Variants in WWOX observed in about 807,000 individuals in gnomAD.
The protein encoded by WWOX is WW domain-containing oxidoreductase.
A neutral mutation model predicts 46.2 loss-of-function variants in WWOX; 69 were observed. That is an observed-to-expected ratio of 1.49 (90% CI 1.23 to 1.82). WWOX has a LOEUF of 1.82. WWOX is among the 40% of genes most tolerant of loss of function. The pLI is 0.00. For synonymous variants in WWOX, 359 were observed against 202.6 expected (o/e 1.77, Z -6.56); for missense variants, 919 against 542.6 (o/e 1.69, Z -6.89).
At chr16:79,210,692 G>C (rs919707648) in intron 8 of WWOX, among the ~76,000 whole-genome samples, 1 of 152,142 alleles carries the variant, frequency 6.6e-6, no homozygotes, top group Non-Finnish European at 1.5e-5. Flanking sequence ...GTCTCCCTCT[G>C]AACAGCAGCC....
intron 5 of WWOX, among the ~76,000 whole-genome samples, chr16:78,367,570 G>A (rs982610743): frequency 5.9e-5 from 9 of 152,116 alleles, no homozygotes; most frequent in African/African-American, 2.2e-4. Flanking sequence ...TCGAGTTCAT[G>A]GACAGAACAA....
intron 8 of WWOX, among the ~76,000 whole-genome samples, chr16:78,958,338 A>C (rs1241481448): frequency 1.3e-5 from 2 of 152,210 alleles, no homozygotes; most frequent in Non-Finnish European, 2.9e-5. Context: ...TGCATTATTA[A>C]CTAGTGTAAC....
intron 8 of WWOX, among the ~76,000 whole-genome samples, chr16:78,700,453 G>A (rs1430297841): frequency 6.6e-6 from 1 of 151,906 alleles, no homozygotes; most frequent in African/African-American, 2.4e-5. Flanking sequence ...CCATCTTATT[G>A]GGTGTTCTAG....
At chr16:78,436,898 G>A (rs564861185) in intron 8 of WWOX, among the ~76,000 whole-genome samples, 132 of 152,212 alleles carry the variant, frequency 8.7e-4, no homozygotes, top group Non-Finnish European at 1.5e-3. Flanking sequence ...CTATTTGAAT[G>A]CAGACATATT....
At chr16:78,638,480 T>C (rs1303693512) in intron 8 of WWOX, among the ~76,000 whole-genome samples, 6 of 152,170 alleles carry the variant, frequency 3.9e-5, no homozygotes, top group Non-Finnish European at 7.3e-5. Flanking sequence ...ACCCAGCTTG[T>C]TGGCCTTGGG....
At chr16:78,984,975 T>C (rs1365374130) in intron 8 of WWOX, among the ~76,000 whole-genome samples, 1 of 152,086 alleles carries the variant, frequency 6.6e-6, no homozygotes, top group Non-Finnish European at 1.5e-5. Flanking sequence ...GGACAGATAC[T>C]GGGCAAAAGG....
In WWOX at chr16:78,364,841, T is replaced by G. The variant is rs1372088816; in HGVS notation, c.517-22019T>G. Among the ~76,000 whole-genome samples the G allele has an allele frequency of 1.6e-4, 24 of 152,350 alleles. No individual in the cohort carries two copies. The East Asian group carries it at 4.6e-3, about 29-fold the overall frequency. On this transcript the variant is annotated intron_variant, in intron 5 of 8. Transcript: ENST00000566780. ...GCAGGAGGGAACAAGGTGTTTTCTG[T>G]GCTTTTTCCTACATGCAGTCGTTTT...
chr16:78,225,854 C>G (rs1313362800), intron 5 of WWOX, among the ~76,000 whole-genome samples: 1 of 152,152 alleles, frequency 6.6e-6, no homozygotes, highest in East Asian at 1.9e-4. Flanking sequence ...CAGCACCTCT[C>G]TTTGAATTAT....
At position 78,567,552 on chromosome 16, in the gene WWOX, C is replaced by CAAAAAAA. The variant is rs71272440; in HGVS notation, c.1056+134817_1056+134823dup. On this transcript the variant is annotated intron_variant, in intron 8 of 8. Transcript: ENST00000566780. ...TGGGCGACAGAAGGAGACTCCGTCT[C>CAAAAAAA]AAAAAAAAAAAAAAAAAAAAAAAGA... Among the ~76,000 whole-genome samples the CAAAAAAA allele has an allele frequency of 2.7e-3, 141 of 52,114 alleles. 1 individual carries two copies. The highest frequency in any genetic ancestry group is 6.9e-3 in the African/African-American group (91 of 13,196). 34.2% of individuals were successfully genotyped at this position (52,114 alleles called of 152,430 possible).
intron 8 of WWOX, among the ~76,000 whole-genome samples, chr16:79,015,511 C>A (rs1050971427): frequency 4.6e-5 from 7 of 152,080 alleles, no homozygotes; most frequent in African/African-American, 1.4e-4. Context: ...ATTTCTTTTC[C>A]TTCCAATGAG....
At chr16:78,248,530 G>A (rs959125240) in intron 5 of WWOX, among the ~76,000 whole-genome samples, 7 of 152,072 alleles carry the variant, frequency 4.6e-5, no homozygotes, top group African/African-American at 1.7e-4. Context: ...GAGCTCAGTC[G>A]TTTGAGACCA....
At chr16:78,649,216 C>G (rs952645493) in intron 8 of WWOX, among the ~76,000 whole-genome samples, 4 of 152,144 alleles carry the variant, frequency 2.6e-5, no homozygotes, top group African/African-American at 9.7e-5. Context: ...AACTCTGGAC[C>G]TCAAATGATC....
intron 8 of WWOX, among the ~76,000 whole-genome samples, chr16:78,686,299 C>G (rs571956001): frequency 2.7e-4 from 41 of 152,162 alleles, no homozygotes; most frequent in Non-Finnish European, 4.4e-4. Flanking sequence ...ATCACGAGGT[C>G]AGGAGATCCA....
intron 8 of WWOX, among the ~76,000 whole-genome samples, chr16:78,706,728 A>AGG (rs2048335188): frequency 1.3e-5 from 2 of 152,190 alleles, no homozygotes; most frequent in Admixed American, 6.5e-5. Flanking sequence ...GTGGGTACAC[A>AGG]TGGTACTGAC....
intron 5 of WWOX, among the ~76,000 whole-genome samples, chr16:78,322,840 G>A (rs1409784036): frequency 6.6e-6 from 1 of 152,102 alleles, no homozygotes; most frequent in African/African-American, 2.4e-5. Flanking sequence ...GTATGGGAGT[G>A]TTTCAATTAA....
intron 8 of WWOX, among the ~76,000 whole-genome samples, chr16:79,043,148 G>A (rs1176299449): frequency 6.6e-6 from 1 of 152,112 alleles, no homozygotes; most frequent in Non-Finnish European, 1.5e-5. Context: ...CCTACTTGCA[G>A]CTGAAGAGAA....
At chr16:78,464,238 G>A (rs992250394) in intron 8 of WWOX, among the ~76,000 whole-genome samples, 2 of 151,968 alleles carry the variant, frequency 1.3e-5, no homozygotes, top group African/African-American at 4.8e-5. Flanking sequence ...AAGGAAGAGA[G>A]GGAGAGACGG....
At chr16:78,388,675 A>T (rs1413309769) in intron 6 of WWOX, among the ~76,000 whole-genome samples, 1 of 122,614 alleles carries the variant, frequency 8.2e-6, no homozygotes, top group African/African-American at 3.1e-5. Flanking sequence ...AAAAAAAAAA[A>T]AAGTTTGTAC....
intron 8 of WWOX, among the ~76,000 whole-genome samples, chr16:78,545,913 C>T (rs1349223817): frequency 6.6e-6 from 1 of 152,098 alleles, no homozygotes; most frequent in East Asian, 1.9e-4. Context: ...GATTAGGGCA[C>T]CACGCTTATG....
Sources: allele counts gnomAD v4.1 joint callset (sites outside exome capture counted in the v4.1 genomes callset), GRCh38; gene constraint gnomAD v4.1.1; transcripts MANE v1.5; gene names NCBI Gene and HGNC (gene_info 2026-07-23, HGNC 2026-07-21).